Variants in FGGY observed in about 807,000 individuals in gnomAD.
The protein encoded by FGGY is FGGY carbohydrate kinase domain-containing protein.
FGGY carries 72 observed loss-of-function variants against 71.3 expected under a neutral mutation model. That is an observed-to-expected ratio of 1.01 (90% CI 0.84 to 1.23). FGGY has a LOEUF of 1.23. Among genes scored for constraint, FGGY ranks in the 50% most tolerant of loss-of-function variants. The pLI is 0.00. For missense variants in FGGY, 668 were observed against 682.3 expected (o/e 0.98, Z 0.23); for synonymous variants, 251 against 250.3 (o/e 1.00, Z -0.02).
At chr1:59,722,382 G>T (rs1211612234) in intron 14 of FGGY, among the ~76,000 whole-genome samples, 1 of 152,180 alleles carries the variant, frequency 6.6e-6, no homozygotes, top group Non-Finnish European at 1.5e-5. Flanking sequence ...TCTTTGGAAA[G>T]AAGTCACTAA....
intron 6 of FGGY, among the ~76,000 whole-genome samples, chr1:59,469,528 T>C (rs1427616514): frequency 6.6e-6 from 1 of 152,266 alleles, no homozygotes; most frequent in Non-Finnish European, 1.5e-5. Flanking sequence ...CACCTTTTAA[T>C]ACTGTCATAA....
chr1:59,314,355 G>T (rs2044998769), intron 1 of FGGY, among the ~76,000 whole-genome samples: 1 of 152,204 alleles, frequency 6.6e-6, no homozygotes, highest in Admixed American at 6.5e-5. Context: ...CTTTGAGTAA[G>T]AAGGCTGTAG....
chr1:59,598,050 C>G (rs1396240091), intron 8 of FGGY, among the ~76,000 whole-genome samples: 1 of 152,222 alleles, frequency 6.6e-6, no homozygotes, highest in Admixed American at 6.5e-5. Flanking sequence ...CCTGCACCCA[C>G]TCTGCCCCAC....
chr1:59,657,430 T>TCAC (rs1249207350), intron 11 of FGGY, among the ~76,000 whole-genome samples: 1 of 152,182 alleles, frequency 6.6e-6, no homozygotes, highest in African/African-American at 2.4e-5. Context: ...GCAGAGGTGC[T>TCAC]GTTGAGGCCA....
At chr1:59,700,341 T>G (rs1158728432) in intron 14 of FGGY, among the ~76,000 whole-genome samples, 1 of 152,220 alleles carries the variant, frequency 6.6e-6, no homozygotes, top group African/African-American at 2.4e-5. Context: ...ATTGATGTTT[T>G]TTATATGCCA....
At chr1:59,529,481 A>C (rs2095081310) in intron 7 of FGGY, among the ~76,000 whole-genome samples, 1 of 152,216 alleles carries the variant, frequency 6.6e-6, no homozygotes, top group South Asian at 2.1e-4. Context: ...CTCCACTGGA[A>C]GCAATGAAAC....
chr1:59,309,583 C>T (rs768726804), intron 1 of FGGY, among the ~76,000 whole-genome samples: 10 of 152,126 alleles, frequency 6.6e-5, no homozygotes, highest in Non-Finnish European at 1.0e-4. Flanking sequence ...TACTTTGGTT[C>T]GTGGTACTTT....
At chr1:59,302,707 GA>G (rs148776218) in intron 1 of FGGY, among the ~76,000 whole-genome samples, 18 of 149,566 alleles carry the variant, frequency 1.2e-4, no homozygotes, top group East Asian at 3.9e-4. Context: ...AAGAGGATTA[GA>G]AAAAAAAATA....
intron 14 of FGGY, among the ~76,000 whole-genome samples, chr1:59,742,490 C>T (rs1377040764): frequency 1.3e-5 from 2 of 152,246 alleles, no homozygotes; most frequent in East Asian, 1.9e-4. Flanking sequence ...TTCTCCTCTC[C>T]CCAATATTAT....
At chr1:59,457,315 A>T (rs990028843) in intron 6 of FGGY, among the ~76,000 whole-genome samples, 10 of 152,216 alleles carry the variant, frequency 6.6e-5, no homozygotes, top group Admixed American at 5.9e-4. Flanking sequence ...ATTGAAATAT[A>T]GAATCAGAAA....
At chr1:59,673,554 A>T (rs1369589404) in intron 13 of FGGY, 2 of 159,518 alleles carry the variant, frequency 1.3e-5, no homozygotes, top group East Asian at 1.8e-4. Context: ...GGAGGGATGA[A>T]TCACACCCTC....
intron 8 of FGGY, among the ~76,000 whole-genome samples, chr1:59,589,948 T>C (rs2096396187): frequency 6.6e-6 from 1 of 151,726 alleles, no homozygotes; most frequent in Non-Finnish European, 1.5e-5. Flanking sequence ...ACAGCAGAAC[T>C]GAAGGAAATA....
At chr1:59,718,996 C>A (rs2097864811) in intron 14 of FGGY, among the ~76,000 whole-genome samples, 2 of 152,274 alleles carry the variant, frequency 1.3e-5, no homozygotes, top group African/African-American at 2.4e-5. Context: ...GTACTTATAC[C>A]TCTTTTGTTC....
chr1:59,484,667 G>A (rs6679828), intron 6 of FGGY, among the ~76,000 whole-genome samples: 1 of 152,110 alleles, frequency 6.6e-6, no homozygotes, highest in Non-Finnish European at 1.5e-5. Flanking sequence ...AAAGTACTCA[G>A]ATTATTGATA....
intron 8 of FGGY, among the ~76,000 whole-genome samples, chr1:59,590,207 C>T (rs185604955): frequency 1.1e-4 from 16 of 152,148 alleles, no homozygotes; most frequent in African/African-American, 2.9e-4. Context: ...ATAAATTCCT[C>T]GACACATACA....
intron 8 of FGGY, among the ~76,000 whole-genome samples, chr1:59,583,160 C>A (rs929033805): frequency 7.0e-6 from 1 of 142,822 alleles, no homozygotes; most frequent in African/African-American, 2.7e-5. Context: ...CCTTTTATAC[C>A]ATGATGTAAC....
intron 14 of FGGY, among the ~76,000 whole-genome samples, chr1:59,718,315 T>C (rs982127856): frequency 6.6e-6 from 1 of 152,190 alleles, no homozygotes. Flanking sequence ...AACACATTAT[T>C]ATGATAGATA....
chr1:59,753,522 A>G (rs577359076), intron 14 of FGGY, among the ~76,000 whole-genome samples: 3 of 125,632 alleles, frequency 2.4e-5, no homozygotes, highest in Non-Finnish European at 5.0e-5. Flanking sequence ...ATGGCATTAC[A>G]TGTTTTCCCT....
In FGGY at chr1:59,531,764, T is replaced by C. The variant is rs529788484; in HGVS notation, c.799+19325T>C. Among the ~76,000 whole-genome samples the C allele has an allele frequency of 1.6e-4, 25 of 152,324 alleles. No homozygotes were observed. In the South Asian group the frequency reaches 4.8e-3, roughly 29 times the overall value. On this transcript the variant is annotated intron_variant, in intron 7 of 15. Coordinates refer to ENST00000303721, the MANE Select transcript of FGGY (RefSeq NM_018291.5). ...GAAGAGGGAGAATACTAGTAAATCC[T>C]CTAGGTGTTATTTGGGACCCCGAAA...
Sources: gnomAD v4.1 joint callset for allele counts (sites outside exome capture counted in the v4.1 genomes callset) on GRCh38, gnomAD v4.1.1 for gene constraint, MANE v1.5 for transcripts, NCBI Gene and HGNC (gene_info 2026-07-23, HGNC 2026-07-21) for gene names.